Variants in CCDC149 observed in about 807,000 individuals in gnomAD.
CCDC149 encodes the protein coiled-coil domain-containing protein 149.
In CCDC149, 45 loss-of-function variants were observed where a neutral mutation model predicts 59.9. That is an observed-to-expected ratio of 0.75 (90% CI 0.59 to 0.96). CCDC149 has a LOEUF of 0.96. Ranked by LOEUF, CCDC149 falls within the 40% of genes least tolerant of loss-of-function variation. The pLI, the probability that CCDC149 is intolerant of heterozygous loss-of-function variation, is 0.00. For synonymous variants in CCDC149, 245 were observed against 260.6 expected (o/e 0.94, Z 0.58); for missense variants, 584 against 664.7 (o/e 0.88, Z 1.33).
chr4:24,977,606 AT>A (rs1325626453), intron 1 of CCDC149, among the ~76,000 whole-genome samples: 2 of 150,714 alleles, frequency 1.3e-5, no homozygotes, highest in Non-Finnish European at 2.9e-5. Flanking sequence ...CCCAAATGAA[AT>A]ACCTAAGGTG....
chr4:24,933,777 G>A (rs66498451), intron 1 of CCDC149, among the ~76,000 whole-genome samples: 15,214 of 152,142 alleles, frequency 0.1, 1,389 homozygotes, highest in East Asian at 0.29. Context: ...GTTATCAATT[G>A]CCATGTAACA....
rs569617324 is a variant in CCDC149 at position 24,845,091 on chromosome 4, C to T, written c.373-6819G>A. ...ATGCTGCGTTGCCTCTCTTCACAAC[C>T]GTGGCAACAATACCTGCACAGCAGC... On this transcript the variant is annotated intron_variant, in intron 4 of 12. Coordinates refer to ENST00000635206, the MANE Select transcript of CCDC149 (RefSeq NM_001330643.2). 9.8e-5 allele frequency among the ~76,000 whole-genome samples: 15 copies of T among 152,324 alleles called. No individual in the cohort carries two copies. The East Asian group carries it at 1.9e-3, about 20-fold the overall frequency.
At chr4:24,836,972 C>T (rs867909366) in intron 6 of CCDC149, among the ~76,000 whole-genome samples, 2 of 152,210 alleles carry the variant, frequency 1.3e-5, no homozygotes, top group Admixed American at 6.5e-5. Flanking sequence ...ATGGGTTCCT[C>T]GCCCTTCTCA....
intron 1 of CCDC149, among the ~76,000 whole-genome samples, chr4:24,880,145 T>C (rs911620541): frequency 6.6e-6 from 1 of 152,250 alleles, no homozygotes. Flanking sequence ...GCATATATGA[T>C]AGTGGTCCTA....
chr4:24,975,415 G>C (rs1303887246), intron 1 of CCDC149, among the ~76,000 whole-genome samples: 1 of 115,074 alleles, frequency 8.7e-6, no homozygotes, highest in African/African-American at 3.4e-5. Flanking sequence ...AATGTAAGAG[G>C]GGAGGGAAGG....
At chr4:24,978,896 C>A (rs529582709) in intron 1 of CCDC149, among the ~76,000 whole-genome samples, 1 of 152,234 alleles carries the variant, frequency 6.6e-6, no homozygotes, top group Admixed American at 6.5e-5. Flanking sequence ...AATAGGATGA[C>A]ATCTGTGGCT....
At chr4:24,972,996 T>C (rs1419099123) in intron 1 of CCDC149, among the ~76,000 whole-genome samples, 1 of 152,198 alleles carries the variant, frequency 6.6e-6, no homozygotes. Flanking sequence ...GCTTCATCTA[T>C]GTAACAAGAA....
intron 4 of CCDC149, among the ~76,000 whole-genome samples, chr4:24,844,396 T>C (rs972634213): frequency 2.0e-4 from 31 of 152,164 alleles, no homozygotes; most frequent in African/African-American, 5.1e-4. Flanking sequence ...CCCTGAGAGG[T>C]TGGCACATGG....
chr4:24,928,545 A>AACCT (rs1336132251), intron 1 of CCDC149, among the ~76,000 whole-genome samples: 1 of 152,204 alleles, frequency 6.6e-6, no homozygotes, highest in East Asian at 1.9e-4. Context: ...ATATGAATCT[A>AACCT]ACCATGACTG....
At chr4:24,928,192 T>C (rs749934740) in intron 1 of CCDC149, among the ~76,000 whole-genome samples, 1 of 152,184 alleles carries the variant, frequency 6.6e-6, no homozygotes, top group African/African-American at 2.4e-5. Flanking sequence ...GAAATTGTGG[T>C]AAGGATTTTA....
At chr4:24,841,269 T>G (rs1716918349) in intron 4 of CCDC149, among the ~76,000 whole-genome samples, 1 of 152,218 alleles carries the variant, frequency 6.6e-6, no homozygotes, top group South Asian at 2.1e-4. Flanking sequence ...GAACTTTAAG[T>G]TATAAAACAC....
At chr4:24,829,854 T>C (rs190834226) in intron 9 of CCDC149, 10 of 152,338 alleles carry the variant, frequency 6.6e-5, no homozygotes, top group African/African-American at 2.4e-4. Flanking sequence ...GGGTGGCTGT[T>C]GAGGAAGGAG....
chr4:24,838,042 C>A, intron 5 of CCDC149, 114 bp downstream of exon 5: 1 of 844,786 alleles, frequency 1.2e-6, no homozygotes, highest in Non-Finnish European at 2.0e-6. Context: ...AAGCATTCAA[C>A]GTGCATCCCA....
At chr4:24,915,551 A>C (rs1478476437), upstream of CCDC149, among the ~76,000 whole-genome samples, 1 of 152,144 alleles carries the variant, frequency 6.6e-6, no homozygotes, top group Non-Finnish European at 1.5e-5. Flanking sequence ...CTGTGACTCC[A>C]TTTCCCCTAT....
intron 12 of CCDC149, among the ~76,000 whole-genome samples, chr4:24,812,183 T>G (rs1022850867): frequency 6.6e-6 from 1 of 152,224 alleles, no homozygotes; most frequent in East Asian, 1.9e-4. Flanking sequence ...CATTTTGCCA[T>G]ATAAGGTAAC....
intron 9 of CCDC149, chr4:24,831,247 T>G (rs1020317501): frequency 6.3e-6 from 2 of 316,902 alleles, no homozygotes; most frequent in Admixed American, 5.0e-5. Flanking sequence ...AACTCATCCA[T>G]GAAATACATA....
chr4:24,813,113 C>T (rs959972337), intron 12 of CCDC149, among the ~76,000 whole-genome samples: 3 of 152,076 alleles, frequency 2.0e-5, no homozygotes, highest in African/African-American at 7.2e-5. Context: ...AAATGGGTCC[C>T]TCATAATGGG....
intron 1 of CCDC149, among the ~76,000 whole-genome samples, chr4:24,954,081 G>C (rs1289005755): frequency 6.6e-6 from 1 of 152,032 alleles, no homozygotes; most frequent in Non-Finnish European, 1.5e-5. Flanking sequence ...AAGGAGAAGA[G>C]AGAGAAAGGG....
intron 3 of CCDC149, among the ~76,000 whole-genome samples, chr4:24,857,792 C>G (rs1295694792): frequency 2.6e-5 from 4 of 152,210 alleles, no homozygotes; most frequent in African/African-American, 9.6e-5. Context: ...CACTGTAAAT[C>G]TACCCCAGCT....
Sources: gnomAD v4.1 joint callset for allele counts (sites outside exome capture counted in the v4.1 genomes callset) on GRCh38, gnomAD v4.1.1 for gene constraint, MANE v1.5 for transcripts, NCBI Gene and HGNC (gene_info 2026-07-23, HGNC 2026-07-21) for gene names.